Variants in TAS2R1 observed in about 807,000 individuals in gnomAD.
TAS2R1 encodes the protein taste receptor type 2 member 1.
For synonymous variants in TAS2R1, 141 were observed against 134.2 expected, an observed-to-expected ratio of 1.05 and a Z score of -0.35; for missense variants, 370 against 353.4, an observed-to-expected ratio of 1.05 and a Z score of -0.38.
the TAS2R1 span, among the ~76,000 whole-genome samples, chr5:9,874,746 C>T: frequency 6.6e-6 from 1 of 152,258 alleles, no homozygotes; most frequent in South Asian, 2.1e-4. Flanking sequence ...GAGATGCCAC[C>T]TCCACTCTGT....
At chr5:9,754,274 A>G in the TAS2R1 span, among the ~76,000 whole-genome samples, 1 of 152,150 alleles carries the variant, frequency 6.6e-6, no homozygotes, top group African/African-American at 2.4e-5. Flanking sequence ...AATAAGAGCT[A>G]TCTATGACAA....
At chr5:9,755,944 G>A in the TAS2R1 span, among the ~76,000 whole-genome samples, 2 of 152,180 alleles carry the variant, frequency 1.3e-5, no homozygotes, top group Non-Finnish European at 1.5e-5. Flanking sequence ...TGCTTTATCA[G>A]CAATGTCTTT....
the TAS2R1 span, among the ~76,000 whole-genome samples, chr5:9,758,289 G>A: frequency 1.3e-5 from 2 of 152,238 alleles, no homozygotes; most frequent in South Asian, 4.2e-4. Flanking sequence ...AATCATACCA[G>A]TCCAATGAGG....
chr5:9,825,453 C>T, the TAS2R1 span, among the ~76,000 whole-genome samples: 3 of 152,302 alleles, frequency 2.0e-5, no homozygotes, highest in African/African-American at 7.2e-5. Flanking sequence ...CCCACCAGGT[C>T]CCTTCCATGA....
intron 2 of TAS2R1, among the ~76,000 whole-genome samples, chr5:9,644,234 T>C (rs759071389): frequency 1.3e-5 from 2 of 152,064 alleles, no homozygotes; most frequent in Non-Finnish European, 2.9e-5. Flanking sequence ...CTGGAGAACA[T>C]ATGTGGAGGT....
the TAS2R1 span, among the ~76,000 whole-genome samples, chr5:9,837,918 G>C: frequency 6.6e-6 from 1 of 152,168 alleles, no homozygotes; most frequent in Admixed American, 6.5e-5. Flanking sequence ...TGCCTGCACT[G>C]TCTGCTCGCC....
At chr5:9,728,326 G>A in the TAS2R1 span, among the ~76,000 whole-genome samples, 1 of 152,136 alleles carries the variant, frequency 6.6e-6, no homozygotes, top group Non-Finnish European at 1.5e-5. Flanking sequence ...GTTTTCACTG[G>A]TTTCATAACA....
chr5:9,709,678 GA>G (rs1487674525), intron 1 of TAS2R1, among the ~76,000 whole-genome samples: 5 of 152,164 alleles, frequency 3.3e-5, no homozygotes, highest in African/African-American at 1.2e-4. Context: ...GAGATCCACA[GA>G]GCAAAGATGG....
chr5:9,673,883 T>A (rs1740818608), intron 1 of TAS2R1, among the ~76,000 whole-genome samples: 1 of 152,130 alleles, frequency 6.6e-6, no homozygotes, highest in Non-Finnish European at 1.5e-5. Context: ...GCAAAGCTCA[T>A]CCCCTAAATG....
intron 1 of TAS2R1, among the ~76,000 whole-genome samples, chr5:9,684,178 G>A (rs1033784494): frequency 1.3e-5 from 2 of 152,108 alleles, no homozygotes; most frequent in Non-Finnish European, 2.9e-5. Context: ...AATGGATAAA[G>A]AACATGTGGC....
At chr5:9,812,473 C>A in the TAS2R1 span, among the ~76,000 whole-genome samples, 3 of 151,592 alleles carry the variant, frequency 2.0e-5, no homozygotes, top group African/African-American at 7.3e-5. Context: ...TAAGGGGGGC[C>A]AGAGATAAAG....
At chr5:9,826,246 C>T in the TAS2R1 span, among the ~76,000 whole-genome samples, 1 of 152,052 alleles carries the variant, frequency 6.6e-6, no homozygotes, top group African/African-American at 2.4e-5. Context: ...CCATAATTCA[C>T]TTGAAGCTTA....
the TAS2R1 span, among the ~76,000 whole-genome samples, chr5:9,759,991 CA>C: frequency 6.6e-6 from 1 of 152,100 alleles, no homozygotes; most frequent in African/African-American, 2.4e-5. Context: ...AGACAAGACA[CA>C]AATTATCAAT....
At chr5:9,836,437 T>C in the TAS2R1 span, among the ~76,000 whole-genome samples, 640 of 152,006 alleles carry the variant, frequency 4.2e-3, 3 homozygotes, top group African/African-American at 0.015. Context: ...CATTGTGGGG[T>C]GTTTAGCAGT....
chr5:9,745,453 T>C, the TAS2R1 span, among the ~76,000 whole-genome samples: 4 of 152,214 alleles, frequency 2.6e-5, no homozygotes, highest in South Asian at 4.1e-4. Flanking sequence ...CAGGGTAGCA[T>C]AGCCAAGACA....
At chr5:9,879,879 G>T in the TAS2R1 span, among the ~76,000 whole-genome samples, 3 of 152,156 alleles carry the variant, frequency 2.0e-5, no homozygotes, top group Non-Finnish European at 4.4e-5. Flanking sequence ...ATGACTAGAG[G>T]CTGGGTTGGC....
the TAS2R1 span, among the ~76,000 whole-genome samples, chr5:9,857,407 T>C: frequency 6.4e-4 from 98 of 152,252 alleles, no homozygotes; most frequent in Non-Finnish European, 1.3e-3. Context: ...CAAAGGGCAA[T>C]GTAACCCAAA....
At chr5:9,874,794 C>G in the TAS2R1 span, among the ~76,000 whole-genome samples, 1 of 152,108 alleles carries the variant, frequency 6.6e-6, no homozygotes, top group East Asian at 1.9e-4. Context: ...CCATCTTTTT[C>G]CTTTTCTCAG....
intron 1 of TAS2R1, among the ~76,000 whole-genome samples, chr5:9,705,310 A>C (rs1199746018): frequency 1.3e-5 from 2 of 152,184 alleles, no homozygotes; most frequent in Non-Finnish European, 2.9e-5. Flanking sequence ...ATGATCTTTA[A>C]TTTTTATACT....
Sources: allele counts gnomAD v4.1 joint callset (sites outside exome capture counted in the v4.1 genomes callset), GRCh38; gene constraint gnomAD v4.1.1; transcripts MANE v1.5; gene names NCBI Gene and HGNC (gene_info 2026-07-23, HGNC 2026-07-21).